SSX2IP: variants seen among roughly 807,000 people sequenced by gnomAD.
The protein encoded by SSX2IP is SSX family member 2 interacting protein.
A neutral mutation model predicts 84.9 loss-of-function variants in SSX2IP; 55 were observed. The ratio of observed to expected loss-of-function variants is 0.65; its 90% CI spans 0.52 to 0.81. The LOEUF (loss-of-function observed/expected upper bound fraction) is 0.81, where lower values mean the gene tolerates loss of function less well. Ranked by LOEUF, SSX2IP falls within the 30% of genes least tolerant of loss-of-function variation. The pLI is 0.00. For synonymous variants in SSX2IP, 239 were observed against 234.7 expected, an observed-to-expected ratio of 1.02 and a Z score of -0.17; for missense variants, 664 against 705.2, an observed-to-expected ratio of 0.94 and a Z score of 0.66.
At chr1:84,658,024 G>T (rs1651381106) in intron 9 of SSX2IP, among the ~76,000 whole-genome samples, 1 of 152,084 alleles carries the variant, frequency 6.6e-6, no homozygotes, top group South Asian at 2.1e-4. Flanking sequence ...AGTCCTAGCT[G>T]CTCAGCAGGC....
rs572953568 is a variant in SSX2IP at position 84,658,613 on chromosome 1, T to C, written c.928-145A>G. The C allele has an allele frequency of 1.9e-5, 17 of 914,288 alleles. No homozygotes were observed. The South Asian group carries it at 4.5e-4, about 24-fold the overall frequency. 56.6% of individuals were successfully genotyped at this position (914,288 alleles called of 1,614,324 possible). The stretch of plus-strand genomic sequence containing the variant: ...TGTCTTATGCATATATGGCCCAGTA[T>C]TTAAATGTCTTGAGAAAAAAAATGA... On this transcript the variant is annotated intron_variant, in intron 8 of 13. Coordinates refer to ENST00000342203, the MANE Select transcript of SSX2IP (RefSeq NM_001166293.2).
At chr1:84,652,910 T>C (rs908331702) in intron 11 of SSX2IP, among the ~76,000 whole-genome samples, 2 of 151,670 alleles carry the variant, frequency 1.3e-5, no homozygotes, top group African/African-American at 4.9e-5. Flanking sequence ...CGGGTGCCTG[T>C]AGTCCCAGCT....
At chr1:84,685,878 AATAG>A (rs1363608051) in intron 1 of SSX2IP, among the ~76,000 whole-genome samples, 4 of 152,274 alleles carry the variant, frequency 2.6e-5, no homozygotes, top group African/African-American at 4.8e-5. Context: ...TAGAGAATAA[AATAG>A]ATAGGAAAGC....
chr1:84,650,380 G>T lies in SSX2IP; in HGVS notation c.1652C>A (p.Ser551Tyr), dbSNP rs756434115. 2 of 1,614,068 alleles carry T rather than the reference G, an allele frequency of 1.2e-6. No homozygotes were observed. Among genetic ancestry groups the T allele is most frequent in the African/African-American group, 2.7e-5 (2 of 74,924 alleles). Residue 551 changes from serine to tyrosine, a missense_variant, in exon 13 of 14, where the codon TCC becomes TAC. Coordinates refer to ENST00000342203, the MANE Select transcript of SSX2IP (RefSeq NM_001166293.2). ...PSTSDFCQTR[S>Y]CISEHSSINV... ...CAAATACCTATGTTCAGATATGCAGGAACGTGTCTGGCAAAAGTCTGAAGT... is the reference window on the plus strand; with the variant it reads ...CAAATACCTATGTTCAGATATGCAGTAACGTGTCTGGCAAAAGTCTGAAGT...
intron 1 of SSX2IP, 87 bp from the exon 2 acceptor site, chr1:84,671,395 G>T: frequency 8.5e-7 from 1 of 1,178,840 alleles, no homozygotes; most frequent in Non-Finnish European, 1.1e-6. Context: ...AGTTGTATGT[G>T]CTTCAAAACA....
chr1:84,675,750 G>A (rs1422034966), intron 1 of SSX2IP, among the ~76,000 whole-genome samples: 4 of 152,114 alleles, frequency 2.6e-5, no homozygotes, highest in African/African-American at 9.7e-5. Context: ...CCAGACTAAG[G>A]TCTAAGTGGC....
intron 13 of SSX2IP, 141 bp from the exon 14 acceptor site, chr1:84,647,748 CTTGGAAAAAAAAA>C: frequency 1.3e-5 from 5 of 383,332 alleles, no homozygotes; most frequent in East Asian, 7.3e-5. Flanking sequence ...TAAAATTTTA[CTTGGAAAAAAAAA>C]ACGGCTGGGA....
chr1:84,661,423 T>TA lies in SSX2IP; in HGVS notation c.927+774dup, dbSNP rs563874469. Among the ~76,000 whole-genome samples, 136 of 152,168 alleles carry TA rather than the reference T, an allele frequency of 8.9e-4. 1 individual carries two copies. The highest frequency in any genetic ancestry group is 3.1e-3 in the African/African-American group (127 of 41,530). On this transcript the variant is annotated intron_variant, in intron 8 of 13. Transcript: ENST00000342203. ...AATGCTTTCTCCATGTTTTTTTTTT[T>TA]AACCTCAAAAATACTTATTTTCTAA...
At chr1:84,689,289 A>C (rs1192494980) in intron 1 of SSX2IP, among the ~76,000 whole-genome samples, 1 of 152,198 alleles carries the variant, frequency 6.6e-6, no homozygotes, top group Admixed American at 6.5e-5. Flanking sequence ...TTTCTAGTTC[A>C]GGATCAAACT....
At chr1:84,653,603 G>C (rs1650646879) in intron 11 of SSX2IP, among the ~76,000 whole-genome samples, 1 of 152,284 alleles carries the variant, frequency 6.6e-6, no homozygotes, top group East Asian at 1.9e-4. Context: ...CTTGGAAACA[G>C]GTAGGAGACA....
intron 4 of SSX2IP, among the ~76,000 whole-genome samples, chr1:84,669,140 G>A (rs1388438708): frequency 6.7e-6 from 1 of 149,406 alleles, no homozygotes; most frequent in Non-Finnish European, 1.5e-5. Flanking sequence ...TTTAAAGTTA[G>A]TAGGTTCAAT....
chr1:84,668,086 A>T (rs994512823), intron 4 of SSX2IP, among the ~76,000 whole-genome samples: 1 of 152,172 alleles, frequency 6.6e-6, no homozygotes, highest in African/African-American at 2.4e-5. Flanking sequence ...TTCTGTCCAT[A>T]GTTGACCCAA....
chr1:84,683,764 G>A (rs769243784), intron 1 of SSX2IP, among the ~76,000 whole-genome samples: 6 of 152,180 alleles, frequency 3.9e-5, no homozygotes, highest in Non-Finnish European at 8.8e-5. Flanking sequence ...CAATTTGGAA[G>A]GGCTTTCAAC....
chr1:84,687,534 A>C (rs552278793), intron 1 of SSX2IP, among the ~76,000 whole-genome samples: 146 of 152,308 alleles, frequency 9.6e-4, no homozygotes, highest in African/African-American at 3.5e-3. Context: ...TCCAGTCTTC[A>C]AAGTAGAAGA....
Position 84,647,458 on chromosome 1 carries a change from T to C in SSX2IP, c.1820A>G (p.His607Arg), listed in dbSNP as rs185224259. Residue 607 changes from histidine (H) to arginine (R), a missense_variant, in exon 14 of 14, where the codon CAT becomes CGT. His to Arg is a conservative substitution (Grantham distance 29). Coordinates refer to ENST00000342203, the MANE Select transcript of SSX2IP (RefSeq NM_001166293.2). ...SGCSLSYTNS[H>R]VEKDDLP ...CTAAGGTAAGTCATCTTTTTCTACA[T>C]GAGAATTTGTGTAGCTCAAGGAGCA... The C allele has an allele frequency of 1.2e-6, 2 of 1,604,480 alleles. No individual in the cohort carries two copies. Among genetic ancestry groups the C allele is most frequent in the South Asian group, 1.1e-5 (1 of 89,254 alleles).
At chr1:84,651,845 T>G (rs755986383) in intron 12 of SSX2IP, 38 bp downstream of exon 12, 1 of 1,213,926 alleles carries the variant, frequency 8.2e-7, no homozygotes, top group Admixed American at 2.0e-5. Flanking sequence ...ATTTTATTTA[T>G]ATGCATGTTC....
chr1:84,653,817 A>T (rs768316830), intron 11 of SSX2IP, among the ~76,000 whole-genome samples: 1 of 152,238 alleles, frequency 6.6e-6, no homozygotes, highest in Non-Finnish European at 1.5e-5. Flanking sequence ...CTGACCATGG[A>T]TAAGAGATAA....
chr1:84,659,334 G>C (rs1651580767), intron 8 of SSX2IP, among the ~76,000 whole-genome samples: 1 of 152,184 alleles, frequency 6.6e-6, no homozygotes, highest in Admixed American at 6.5e-5. Context: ...TGGGCTAGCA[G>C]AGGTCAGGGT....
chr1:84,662,445 T>A lies in SSX2IP; in HGVS notation c.749+10A>T, dbSNP rs754536766. ...TCTGATTACATTTATCAATTTAAACTGGACTTTACCTGGCTTCAGTTTTAC... is the reference window on the plus strand; with the variant it reads ...TCTGATTACATTTATCAATTTAAACAGGACTTTACCTGGCTTCAGTTTTAC... On this transcript the variant is annotated intron_variant, in intron 7 of 13. Transcript: ENST00000342203. 8 of 1,613,488 alleles carry A rather than the reference T, an allele frequency of 5.0e-6. No individual in the cohort carries two copies. The African/African-American group carries it at 1.1e-4, about 22-fold the overall frequency.
Sources: allele counts gnomAD v4.1 joint callset (sites outside exome capture counted in the v4.1 genomes callset), GRCh38; gene constraint gnomAD v4.1.1; transcripts MANE v1.5; gene names NCBI Gene and HGNC (gene_info 2026-07-23, HGNC 2026-07-21).